The following PCDHGA2 variants were observed in gnomAD, a reference collection of about 807,000 sequenced individuals.
PCDHGA2 encodes the protein protocadherin gamma-A2.
Under a neutral mutation model 59.2 loss-of-function variants are expected in PCDHGA2, and 40 were observed. That is an observed-to-expected ratio of 0.68 (90% CI 0.52 to 0.88). The LOEUF (loss-of-function observed/expected upper bound fraction) is 0.88, where lower values mean the gene tolerates loss of function less well. PCDHGA2 is among the 40% of genes least tolerant of loss of function. The pLI is 0.00. For missense variants in PCDHGA2, 1,226 were observed against 1,204.0 expected (o/e 1.02, Z -0.27); for synonymous variants, 560 against 526.0 (o/e 1.06, Z -0.89).
chr5:141,390,099 C>T (rs1252752587), intron 1 of PCDHGA2: 2 of 1,614,052 alleles, frequency 1.2e-6, no homozygotes, highest in Admixed American at 3.3e-5. Context: ...CGTGGTTCCC[C>T]CCAACTACAG....
chr5:141,399,055 G>C, intron 1 of PCDHGA2: 1 of 1,613,844 alleles, frequency 6.2e-7, no homozygotes, highest in Non-Finnish European at 8.5e-7. Context: ...AGAGACCAAG[G>C]AATATTCAAT....
At chr5:141,456,897 A>G (rs1351271896) in intron 1 of PCDHGA2, among the ~76,000 whole-genome samples, 2 of 152,178 alleles carry the variant, frequency 1.3e-5, no homozygotes, top group Admixed American at 1.3e-4. Context: ...CGGGAGGCAG[A>G]GGTTGCAGTG....
intron 3 of PCDHGA2, among the ~76,000 whole-genome samples, chr5:141,509,440 C>T (rs1036780108): frequency 2.0e-5 from 3 of 152,158 alleles, no homozygotes; most frequent in Non-Finnish European, 4.4e-5. Flanking sequence ...CTTGTTTCCT[C>T]CTCTCCCACC....
rs761189685 is a variant in PCDHGA2 at position 141,404,203 on chromosome 5, A to G, written c.2424+62808A>G. On this transcript the variant is annotated intron_variant, in intron 1 of 3. Coordinates refer to ENST00000394576, the MANE Select transcript of PCDHGA2 (RefSeq NM_018915.4). Reference sequence around the variant, plus strand: ...TTCTTGACCGAGAAAAAGCCTCAGAATATAATATCACGGTGACTGCAACAG... The same window carrying G: ...TTCTTGACCGAGAAAAAGCCTCAGAGTATAATATCACGGTGACTGCAACAG... 11 of 1,613,806 alleles carry G rather than the reference A, an allele frequency of 6.8e-6. No individual in the cohort carries two copies. In the South Asian group the frequency reaches 1.2e-4, roughly 18 times the overall value.
intron 1 of PCDHGA2, chr5:141,409,394 T>C: frequency 1.9e-6 from 3 of 1,614,008 alleles, no homozygotes; most frequent in Non-Finnish European, 2.5e-6. Flanking sequence ...TTATTCTTCT[T>C]CCAATAACTA....
intron 1 of PCDHGA2, chr5:141,366,731 A>G: frequency 6.2e-7 from 1 of 1,613,012 alleles, no homozygotes; most frequent in Non-Finnish European, 8.5e-7. Flanking sequence ...AGATGCAAAC[A>G]AAGAAGAACG....
chr5:141,473,974 C>G (rs958240236), intron 1 of PCDHGA2, among the ~76,000 whole-genome samples: 33 of 152,054 alleles, frequency 2.2e-4, no homozygotes, highest in Admixed American at 2.2e-3. Context: ...AAGTCTGAGG[C>G]GGGAGGATCC....
In PCDHGA2 at chr5:141,402,676, C is replaced by T. The variant is rs746643713; in HGVS notation, c.2424+61281C>T. 2.0e-5 allele frequency among the ~76,000 whole-genome samples: 3 copies of T among 152,282 alleles called. No homozygotes were observed. The East Asian group carries it at 5.8e-4, about 29-fold the overall frequency. ...GAGTAGTGTTTTCTTTATCAGCCAT[C>T]TGATATAATGTTACACATCAGTGGG... On this transcript the variant is annotated intron_variant, in intron 1 of 3. Transcript: ENST00000394576.
intron 1 of PCDHGA2, among the ~76,000 whole-genome samples, chr5:141,455,425 A>G (rs2098822334): frequency 1.3e-5 from 2 of 152,168 alleles, no homozygotes; most frequent in African/African-American, 2.4e-5. Flanking sequence ...CGGGGCTCCA[A>G]AAGAGGAGGT....
chr5:141,389,137 T>C, intron 1 of PCDHGA2: 1 of 1,614,020 alleles, frequency 6.2e-7, no homozygotes. Flanking sequence ...GAGTACAATA[T>C]AACCGTTACG....
intron 1 of PCDHGA2, among the ~76,000 whole-genome samples, chr5:141,469,088 G>A (rs1388316490): frequency 6.6e-6 from 1 of 151,604 alleles, no homozygotes; most frequent in Non-Finnish European, 1.5e-5. Context: ...ACCATTCTAG[G>A]CAACAAAGCA....
At chr5:141,456,899 G>T (rs1592472053) in intron 1 of PCDHGA2, among the ~76,000 whole-genome samples, 1 of 152,212 alleles carries the variant, frequency 6.6e-6, no homozygotes, top group East Asian at 1.9e-4. Context: ...GGAGGCAGAG[G>T]TTGCAGTGAG....
intron 1 of PCDHGA2, chr5:141,416,205 A>T (rs1239154825): frequency 1.3e-5 from 2 of 152,458 alleles, no homozygotes; most frequent in Non-Finnish European, 2.9e-5. Context: ...CAATTTATTT[A>T]TAACAATGTA....
intron 1 of PCDHGA2, among the ~76,000 whole-genome samples, chr5:141,473,431 G>T (rs541546681): frequency 3.3e-5 from 5 of 152,148 alleles, no homozygotes; most frequent in Non-Finnish European, 7.3e-5. Flanking sequence ...CAGATACTTT[G>T]CTTATGCAAA....
rs549047197 is a variant in PCDHGA2, at chr5:141,502,866, C to CTTTTTTTTTTTTTTT, written c.2484-2513_2484-2512insTTTTTTTTTTTTTTT. Reference sequence around the variant, plus strand: ...GAGCTGCCTAACCCTGACTCTCTGTCTTTTTTTTTTTTTTGACAGGGAGTC... The same window carrying CTTTTTTTTTTTTTTT: ...GAGCTGCCTAACCCTGACTCTCTGTCTTTTTTTTTTTTTTTTTTTTTTTTTTTTTGACAGGGAGTC... On this transcript the variant is annotated intron_variant, in intron 2 of 3. Coordinates refer to ENST00000394576, the MANE Select transcript of PCDHGA2 (RefSeq NM_018915.4). 1.1e-4 allele frequency among the ~76,000 whole-genome samples: 14 copies of CTTTTTTTTTTTTTTT among 128,026 alleles called. 3 individuals are homozygous for CTTTTTTTTTTTTTTT. Among genetic ancestry groups the CTTTTTTTTTTTTTTT allele is most frequent in the Admixed American group, 1.7e-4 (2 of 11,664 alleles). The allele number at this position is 128,026 out of a possible 152,430, so 84.0% of individuals were successfully genotyped here.
At chr5:141,360,268 T>C in intron 1 of PCDHGA2, 1 of 1,613,792 alleles carries the variant, frequency 6.2e-7, no homozygotes, top group Non-Finnish European at 8.5e-7. Context: ...GGCCAAAAAC[T>C]CGGTCGTAGG....
Position 141,376,503 on chromosome 5 carries a change from T to C in PCDHGA2, c.2424+35108T>C, listed in dbSNP as rs192154001. 1.1e-5 allele frequency: 17 copies of C among 1,614,052 alleles called. No homozygotes were observed. In the African/African-American group the frequency reaches 2.1e-4, roughly 20 times the overall value. ...GAAACGAAAGGAGAACCCAGGCAAC[T>C]TCAGGTGAGTTTCTTTCCGCCTAAG... is the stretch of plus-strand genomic sequence containing the variant. On this transcript the variant is annotated intron_variant, in intron 1 of 3. Transcript: ENST00000394576.
chr5:141,393,121 T>A, intron 1 of PCDHGA2: 1 of 1,613,428 alleles, frequency 6.2e-7, no homozygotes, highest in African/African-American at 1.3e-5. Context: ...CCGCGGTGTC[T>A]GATAAATATT....
chr5:141,345,258 TC>T (rs1757544066), intron 1 of PCDHGA2: 1 of 1,613,918 alleles, frequency 6.2e-7, no homozygotes, highest in Admixed American at 1.7e-5. Flanking sequence ...GACGGCCACA[TC>T]CCTGGACCGC....
Sources: gnomAD v4.1 joint callset for allele counts (sites outside exome capture counted in the v4.1 genomes callset) on GRCh38, gnomAD v4.1.1 for gene constraint, MANE v1.5 for transcripts, NCBI Gene and HGNC (gene_info 2026-07-23, HGNC 2026-07-21) for gene names.